Variants in CSMD2 observed in about 807,000 individuals in gnomAD.
The protein encoded by CSMD2 is CUB and sushi domain-containing protein 2.
A neutral mutation model predicts 398.5 loss-of-function variants in CSMD2; 130 were observed. That is an observed-to-expected ratio of 0.33 (90% CI 0.28 to 0.38). The LOEUF (loss-of-function observed/expected upper bound fraction) is 0.38, where lower values mean the gene tolerates loss of function less well. Ranked by LOEUF, CSMD2 falls within the 10% of genes least tolerant of loss-of-function variation. The probability of loss-of-function intolerance (pLI) is 1.00; values close to 1 mark genes in which losing one functional copy is unlikely to be tolerated. For synonymous variants in CSMD2, 1,828 were observed against 1,908.5 expected (o/e 0.96, Z 1.10); for missense variants, 3,829 against 4,764.9 (o/e 0.80, Z 5.78).
intron 3 of CSMD2, among the ~76,000 whole-genome samples, chr1:34,031,774 A>C (rs927173716): frequency 2.6e-5 from 4 of 151,590 alleles, no homozygotes; most frequent in African/African-American, 9.7e-5. Flanking sequence ...GCAAAAAAAA[A>C]AAAAAAAAAA....
intron 9 of CSMD2, among the ~76,000 whole-genome samples, chr1:33,811,715 T>G (rs992653044): frequency 6.6e-6 from 1 of 152,262 alleles, no homozygotes; most frequent in African/African-American, 2.4e-5. Flanking sequence ...TAGTGATTTA[T>G]AACAGTTAAG....
chr1:33,806,800 G>A (rs1656283535), intron 10 of CSMD2, among the ~76,000 whole-genome samples: 1 of 152,192 alleles, frequency 6.6e-6, no homozygotes, highest in Non-Finnish European at 1.5e-5. Context: ...GGATTTAACA[G>A]AGGCTGGACA....
chr1:33,922,991 G>T (rs1161358046), intron 4 of CSMD2, among the ~76,000 whole-genome samples: 2 of 152,142 alleles, frequency 1.3e-5, no homozygotes, highest in Non-Finnish European at 2.9e-5. Flanking sequence ...ATATATGTAT[G>T]TATTGTGGAA....
intron 2 of CSMD2, among the ~76,000 whole-genome samples, chr1:34,054,404 C>G (rs1432150479): frequency 6.6e-6 from 1 of 152,046 alleles, no homozygotes; most frequent in African/African-American, 2.4e-5. Context: ...AACTTTTGTC[C>G]TTGGGTCTGA....
At chr1:33,600,354 T>C (rs1161362084) in intron 44 of CSMD2, 1 of 586,496 alleles carries the variant, frequency 1.7e-6, no homozygotes, top group Non-Finnish European at 3.1e-6. Flanking sequence ...AATATCCAGA[T>C]CCCTAACTTG....
At chr1:33,768,668 C>T (rs542547051) in intron 13 of CSMD2, among the ~76,000 whole-genome samples, 1 of 151,832 alleles carries the variant, frequency 6.6e-6, no homozygotes, top group South Asian at 2.1e-4. Context: ...CCATTTCCCA[C>T]AGCATCTCTG....
chr1:33,714,718 C>T lies in CSMD2; in HGVS notation c.3275G>A (p.Gly1092Asp), dbSNP rs1460922040. ...GGTGTCGCCCACGCCAAACTGCAAG[C>T]CCTTCCGGATGCTGTAGGCTGGGAC... Reference protein sequence around the residue: ...PEVPAYSIRKGLQFGVGDTLT... With the variant: ...PEVPAYSIRKDLQFGVGDTLT... The change falls in exon 21 of 71, where the codon GGC becomes GAC. Residue 1092 changes from glycine (G) to aspartate (D), a missense_variant. By Grantham distance (94) the Gly-to-Asp change is moderately conservative. Transcript: ENST00000373381. The T allele has an allele frequency of 3.7e-6, 6 of 1,614,038 alleles. No homozygotes were observed. The highest frequency in any genetic ancestry group is 2.2e-5 in the South Asian group (2 of 91,092).
chr1:33,870,693 G>A (rs1640399726), intron 5 of CSMD2: 1 of 152,152 alleles, frequency 6.6e-6, no homozygotes, highest in African/African-American at 2.4e-5. Context: ...TATTCACCGT[G>A]GTAGGCAGTT....
At chr1:33,909,719 C>T (rs1643343090) in intron 5 of CSMD2, among the ~76,000 whole-genome samples, 1 of 152,170 alleles carries the variant, frequency 6.6e-6, no homozygotes, top group Non-Finnish European at 1.5e-5. Context: ...AAGATGACCG[C>T]TCATGGTCCT....
At chr1:34,146,072 G>C (rs1294317182) in intron 1 of CSMD2, among the ~76,000 whole-genome samples, 4 of 152,130 alleles carry the variant, frequency 2.6e-5, no homozygotes, top group Admixed American at 1.3e-4. Context: ...TGTTTGTTTA[G>C]AGTCAGGGTC....
intron 1 of CSMD2, among the ~76,000 whole-genome samples, chr1:34,141,846 G>A (rs1639325149): frequency 6.6e-6 from 1 of 152,156 alleles, no homozygotes; most frequent in Non-Finnish European, 1.5e-5. Context: ...AGAAGAAGAT[G>A]GCTCGGACCC....
chr1:33,553,966 A>C (rs1350965973), intron 55 of CSMD2, among the ~76,000 whole-genome samples: 2 of 152,030 alleles, frequency 1.3e-5, no homozygotes, highest in Non-Finnish European at 2.9e-5. Context: ...AATTCTATGA[A>C]GGCTGAGAGA....
At chr1:33,830,542 A>G (rs962607379) in intron 6 of CSMD2, among the ~76,000 whole-genome samples, 39 of 152,328 alleles carry the variant, frequency 2.6e-4, no homozygotes, top group African/African-American at 7.7e-4. Flanking sequence ...AAAAGTAGAT[A>G]AAACCACAAA....
chr1:33,572,652 A>G lies in CSMD2; in HGVS notation c.7616T>C (p.Met2539Thr), dbSNP rs756506303. ...CACTGTGTACTCCTTGCCAAACACC[A>G]TTCCATTCTTGGGGGCCTCAGGAAG... ...CGLPEAPKNG[M>T]VFGKEYTVGT... The change falls in exon 50 of 71, where the codon ATG becomes ACG. Residue 2539 changes from methionine to threonine, a missense_variant. Around this residue, in one of 5 missense-constraint regions of CSMD2, gnomAD observed 723 missense variants for 758.6 expected, o/e 0.95. Coordinates refer to ENST00000373381, the MANE Select transcript of CSMD2 (RefSeq NM_001281956.2). 1.2e-6 allele frequency: 2 copies of G among 1,613,556 alleles called. No individual in the cohort carries two copies. The highest frequency in any genetic ancestry group is 2.2e-5 in the South Asian group (2 of 91,010).
Position 33,519,501 on chromosome 1 carries a change from G to A in CSMD2, c.*17C>T. The A allele has an allele frequency of 5.0e-6, 8 of 1,605,390 alleles. No homozygotes were observed. Among genetic ancestry groups the A allele is most frequent in the Non-Finnish European group, 6.8e-6 (8 of 1,176,196 alleles). Reference sequence around the variant, plus strand: ...GGCGGGGCTCTCGGTGGCGGTGGTGGCGGCCAGGCCGGGTGGCTATACTGC... The same window carrying A: ...GGCGGGGCTCTCGGTGGCGGTGGTGACGGCCAGGCCGGGTGGCTATACTGC... On this transcript the variant is annotated 3_prime_UTR_variant, in exon 70 of 71. Coordinates refer to ENST00000373381, the MANE Select transcript of CSMD2 (RefSeq NM_001281956.2). This position sits in a 1 kb window ranked among gnomAD's most constrained non-coding sequence, Gnocchi z 5.6.
chr1:34,103,533 G>A (rs1431403865), intron 1 of CSMD2, among the ~76,000 whole-genome samples: 1 of 151,920 alleles, frequency 6.6e-6, no homozygotes, highest in Non-Finnish European at 1.5e-5. Flanking sequence ...CTGACCTTGC[G>A]ATTCGCCCAC....
chr1:34,102,630 A>G (rs9699694), intron 1 of CSMD2, among the ~76,000 whole-genome samples: 48 of 47,800 alleles, frequency 1.0e-3, no homozygotes, highest in African/African-American at 4.1e-3. Context: ...ATATCCCTGT[A>G]ATCCGGCCAT....
chr1:33,992,298 C>T (rs1258181122), intron 3 of CSMD2, among the ~76,000 whole-genome samples: 2 of 152,120 alleles, frequency 1.3e-5, no homozygotes, highest in African/African-American at 4.8e-5. Context: ...GCCTCGACCT[C>T]CCACCTCAGC....
At chr1:33,699,619 G>A (rs1489917688) in intron 23 of CSMD2, among the ~76,000 whole-genome samples, 2 of 152,208 alleles carry the variant, frequency 1.3e-5, no homozygotes, top group Non-Finnish European at 2.9e-5. Flanking sequence ...CTGCCAGGCA[G>A]CCTTGAGCCC....
Sources: allele counts gnomAD v4.1 joint callset (sites outside exome capture counted in the v4.1 genomes callset), GRCh38; gene constraint gnomAD v4.1.1; regional missense constraint gnomAD v4.1.1; non-coding constraint Gnocchi (gnomAD v3.1); transcripts MANE v1.5; gene names NCBI Gene and HGNC (gene_info 2026-07-23, HGNC 2026-07-21).